Variants in TVP23A observed in about 807,000 individuals in gnomAD.
The protein encoded by TVP23A is Golgi apparatus membrane protein TVP23 homolog A.
Under a neutral mutation model 31.7 loss-of-function variants are expected in TVP23A, and 21 were observed. The ratio of observed to expected loss-of-function variants is 0.66; its 90% CI spans 0.47 to 0.95. The LOEUF is 0.95. Among genes scored for constraint, TVP23A ranks in the 40% least tolerant of loss-of-function variants. The probability of loss-of-function intolerance (pLI) is 0.00; values close to 1 mark genes in which losing one functional copy is unlikely to be tolerated. For missense variants in TVP23A, 279 were observed against 255.6 expected, an observed-to-expected ratio of 1.09 and a Z score of -0.62; for synonymous variants, 104 against 96.0, an observed-to-expected ratio of 1.08 and a Z score of -0.49.
intron 2 of TVP23A, among the ~76,000 whole-genome samples, chr16:10,784,217 T>C (rs1401896808): frequency 6.6e-6 from 1 of 151,398 alleles, no homozygotes; most frequent in Non-Finnish European, 1.5e-5. Context: ...TAATCCCAGC[T>C]ACTAGGGAGG....
At chr16:10,799,323 G>A (rs533841384) in intron 2 of TVP23A, among the ~76,000 whole-genome samples, 1 of 152,258 alleles carries the variant, frequency 6.6e-6, no homozygotes, top group Admixed American at 6.5e-5. Flanking sequence ...CTCTAATGTT[G>A]AAGAAGTTCT....
At chr16:10,798,112 C>T (rs1446998844) in intron 2 of TVP23A, among the ~76,000 whole-genome samples, 5 of 151,526 alleles carry the variant, frequency 3.3e-5, no homozygotes, top group Admixed American at 6.6e-5. Context: ...CCTGCCACCA[C>T]GCCCAGCTAA....
chr16:10,758,343 C>G (rs775425082), downstream of TVP23A, among the ~76,000 whole-genome samples: 1 of 152,106 alleles, frequency 6.6e-6, no homozygotes, highest in African/African-American at 2.4e-5. Context: ...CATGGTGGCT[C>G]GCGCCTGTAG....
intron 2 of TVP23A, among the ~76,000 whole-genome samples, chr16:10,790,614 C>G (rs2033052741): frequency 6.6e-6 from 1 of 152,024 alleles, no homozygotes; most frequent in South Asian, 2.1e-4. Context: ...TGATTTTCTT[C>G]TTTGTCATGT....
chr16:10,759,375 G>T (rs1265288762), downstream of TVP23A, among the ~76,000 whole-genome samples: 1 of 152,248 alleles, frequency 6.6e-6, no homozygotes, highest in Admixed American at 6.5e-5. The surrounding 1 kb of genome is among the most constrained non-coding windows in gnomAD (Gnocchi z 4.7). Context: ...GGAGGAGCAG[G>T]ACACCAGCTG....
intron 2 of TVP23A, among the ~76,000 whole-genome samples, chr16:10,816,863 T>TGTGC (rs1296722326): frequency 5.4e-4 from 80 of 149,090 alleles, no homozygotes; most frequent in African/African-American, 1.9e-3. Flanking sequence ...CCCTAAAACT[T>TGTGC]AAAGTACAAT....
At chr16:10,762,118 GGGT>G, downstream of TVP23A, 1 of 352,912 alleles carries the variant, frequency 2.8e-6, no homozygotes, top group Non-Finnish European at 5.2e-6. Context: ...AGGTTGGTGA[GGGT>G]GGTGGTGGCA....
chr16:10,762,861 G>A (rs532243839), downstream of TVP23A, among the ~76,000 whole-genome samples: 89 of 152,240 alleles, frequency 5.8e-4, no homozygotes, highest in Middle Eastern at 6.8e-3. Flanking sequence ...CGGGGAGGGC[G>A]GAGGCCACGT....
At chr16:10,790,416 C>T (rs2033039595) in intron 2 of TVP23A, among the ~76,000 whole-genome samples, 1 of 151,550 alleles carries the variant, frequency 6.6e-6, no homozygotes, top group Admixed American at 6.6e-5. Context: ...TCCCGAGTAG[C>T]TGGGACTACA....
chr16:10,813,591 T>C (rs1033978569), intron 2 of TVP23A, among the ~76,000 whole-genome samples: 1 of 152,118 alleles, frequency 6.6e-6, no homozygotes, highest in African/African-American at 2.4e-5. Flanking sequence ...AACAAACAAA[T>C]AAACAAATAA....
In TVP23A at chr16:10,782,904, C is replaced by T. The variant is rs532483017; in HGVS notation, c.90-7808G>A. Reference sequence around the variant, plus strand: ...TGTGCCAACCCCTGCTCCAGACCAGCAAGAACAACTTGGTGATGACATTAG... The same window carrying T: ...TGTGCCAACCCCTGCTCCAGACCAGTAAGAACAACTTGGTGATGACATTAG... On this transcript the variant is annotated intron_variant, in intron 2 of 7. Transcript: ENST00000299866. Among the ~76,000 whole-genome samples the T allele has an allele frequency of 2.0e-5, 3 of 152,238 alleles. No individual in the cohort carries two copies. In the East Asian group the frequency reaches 5.8e-4, roughly 29 times the overall value.
downstream of TVP23A, among the ~76,000 whole-genome samples, chr16:10,760,617 G>A (rs920859978): frequency 4.6e-5 from 7 of 152,108 alleles, no homozygotes; most frequent in Non-Finnish European, 1.0e-4. Flanking sequence ...CATGCCTGTA[G>A]TCCCAGCTAC....
At chr16:10,810,782 T>C (rs2034161491) in intron 2 of TVP23A, among the ~76,000 whole-genome samples, 3 of 152,144 alleles carry the variant, frequency 2.0e-5, no homozygotes, top group Admixed American at 6.5e-5. Flanking sequence ...CCCTCTGTTC[T>C]GGGGCTTTCA....
chr16:10,793,901 CAAAAAAAAAAAAAAAA>C (rs61392688), intron 2 of TVP23A, among the ~76,000 whole-genome samples: 5 of 39,164 alleles, frequency 1.3e-4, no homozygotes, highest in African/African-American at 4.4e-4. Flanking sequence ...CCTGTCTCAC[CAAAAAAAAAAAAAAAA>C]AAAAAAAAAA....
chr16:10,784,422 A>G (rs965110178), intron 2 of TVP23A, among the ~76,000 whole-genome samples: 1 of 151,822 alleles, frequency 6.6e-6, no homozygotes. Context: ...TTAGCCAGGC[A>G]TGGTGGCACA....
rs966282524 is a variant in TVP23A at position 10,779,930 on chromosome 16, A to G, written c.90-4834T>C. On this transcript the variant is annotated intron_variant, in intron 2 of 7. Coordinates refer to ENST00000299866, the MANE Select transcript of TVP23A (RefSeq NM_001079512.4). This position sits in a 1 kb window ranked among gnomAD's most constrained non-coding sequence, Gnocchi z 4.9. Reference sequence around the variant, plus strand: ...ATGGCAAAACTCCGGCTCTAATAAAAATACAAAAATTAGCGGGTGTGGTGG... The same window carrying G: ...ATGGCAAAACTCCGGCTCTAATAAAGATACAAAAATTAGCGGGTGTGGTGG... Among the ~76,000 whole-genome samples, 1 of 152,092 alleles carries G rather than the reference A, an allele frequency of 6.6e-6. No homozygotes were observed. The highest frequency in any genetic ancestry group is 2.4e-5 in the African/African-American group (1 of 41,404).
chr16:10,774,550 C>A (rs1011106207), intron 3 of TVP23A, among the ~76,000 whole-genome samples: 1 of 150,896 alleles, frequency 6.6e-6, no homozygotes, highest in Admixed American at 6.6e-5. Flanking sequence ...ATAAGTGCCA[C>A]GAGATCTGAT....
rs556930067 is a variant in TVP23A, at chr16:10,796,601, A to AT, written c.89+21501dup. ...GCGCCCACGACCATGCCCAGCTAAT[A>AT]TTTTTTTTTTGTATTTTTAGTAGAG... On this transcript the variant is annotated intron_variant, in intron 2 of 7. Transcript: ENST00000299866. Among the ~76,000 whole-genome samples the AT allele has an allele frequency of 3.1e-3, 454 of 147,924 alleles. 2 individuals are homozygous for AT. The highest frequency in any genetic ancestry group is 0.014 in the Middle Eastern group (4 of 290).
At chr16:10,771,477 A>G (rs956191070) in intron 6 of TVP23A, among the ~76,000 whole-genome samples, 193 bp downstream of exon 6, 3 of 152,186 alleles carry the variant, frequency 2.0e-5, no homozygotes, top group African/African-American at 4.8e-5. Flanking sequence ...GGAGGTTGCA[A>G]TAGGCCGCGA....
Sources: allele counts gnomAD v4.1 joint callset (sites outside exome capture counted in the v4.1 genomes callset), GRCh38; gene constraint gnomAD v4.1.1; non-coding constraint Gnocchi (gnomAD v3.1); transcripts MANE v1.5; gene names NCBI Gene and HGNC (gene_info 2026-07-23, HGNC 2026-07-21).